Variants in TMEM64 observed in about 807,000 individuals in gnomAD.
The protein encoded by TMEM64 is transmembrane protein 64.
In TMEM64, 19 loss-of-function variants were observed where a neutral mutation model predicts 24.5. The ratio of observed to expected loss-of-function variants is 0.78; its 90% CI spans 0.54 to 1.14. TMEM64 has a LOEUF of 1.14. Among genes scored for constraint, TMEM64 ranks in the 50% most tolerant of loss-of-function variants. TMEM64 has a pLI of 0.00. For missense variants in TMEM64, 487 were observed against 493.0 expected (o/e 0.99, Z 0.12); for synonymous variants, 262 against 224.7 (o/e 1.17, Z -1.49).
intron 2 of TMEM64, among the ~76,000 whole-genome samples, chr8:90,627,465 T>TGGGGGC (rs1809376395): frequency 8.0e-5 from 1 of 12,458 alleles, no homozygotes; most frequent in African/African-American, 3.4e-4. Context: ...GAAAAAAATA[T>TGGGGGC]GGGGGCGGGG....
intron 2 of TMEM64, among the ~76,000 whole-genome samples, chr8:90,627,534 C>T (rs1809377291): frequency 1.3e-5 from 2 of 152,034 alleles, no homozygotes; most frequent in Non-Finnish European, 2.9e-5. Flanking sequence ...ATTCGAGGTG[C>T]CTCTTAGATA....
Position 90,625,494 on chromosome 8 carries a change from C to T in TMEM64, c.*177G>A. ...GCAGCCAAATTTGCATCTACATTTA[C>T]ACTTACATACCCAGAAAATGATTCT... is the stretch of plus-strand genomic sequence containing the variant. On this transcript the variant is annotated 3_prime_UTR_variant, in exon 3 of 3. Coordinates refer to ENST00000458549, the MANE Select transcript of TMEM64 (RefSeq NM_001008495.4). 1 of 534,244 alleles carries T rather than the reference C, an allele frequency of 1.9e-6. No individual in the cohort carries two copies. The highest frequency in any genetic ancestry group is 3.4e-5 in the South Asian group (1 of 29,188). The allele number at this position is 534,244 out of a possible 1,614,324, so 33.1% of individuals were successfully genotyped here.
At chr8:90,630,669 T>C (rs772791101) in intron 2 of TMEM64, among the ~76,000 whole-genome samples, 48 of 151,994 alleles carry the variant, frequency 3.2e-4, no homozygotes, top group Non-Finnish European at 3.5e-4. Context: ...AGATGTATAA[T>C]ACATAACCAG....
rs765323164 is a variant in TMEM64 at position 90,645,491 on chromosome 8, G to A, written c.415C>T (p.Leu139=). 2.6e-6 allele frequency: 4 copies of A among 1,551,140 alleles called. No individual in the cohort carries two copies. In the South Asian group the frequency reaches 4.8e-5, roughly 18 times the overall value. ...LAALCFASLA[L]VRRYLHHLLL... ...AGGTGGTGAAGGTAGCGGCGGACCA[G>A]GGCCAGGGAAGCGAAGCACAGGGCG... The change falls in exon 1 of 3, where the codon CTG becomes TTG. Residue 139 remains leucine (L), a synonymous_variant. Transcript: ENST00000458549. The surrounding 1 kb of genome is among the most constrained non-coding windows in gnomAD (Gnocchi z 4.2).
chr8:90,623,960 A>C lies in TMEM64; in HGVS notation c.*1711T>G, dbSNP rs1277551375. The C allele has an allele frequency of 6.6e-6, 1 of 151,876 alleles. No homozygotes were observed. The highest frequency in any genetic ancestry group is 2.4e-5 in the African/African-American group (1 of 41,378). 9.4% of individuals were successfully genotyped at this position (151,876 alleles called of 1,614,324 possible). On this transcript the variant is annotated 3_prime_UTR_variant, in exon 3 of 3. Coordinates refer to ENST00000458549, the MANE Select transcript of TMEM64 (RefSeq NM_001008495.4). ...GAGAGAAAAAAAACCGAAATGAGTA[A>C]TTAGGATTCAAAAAGAATAAGGGTA...
intron 2 of TMEM64, 96 bp downstream of exon 2, chr8:90,631,456 C>A: frequency 9.2e-7 from 1 of 1,084,634 alleles, no homozygotes; most frequent in East Asian, 2.4e-5. Context: ...AATGGAAAAA[C>A]CCTCTGATTA....
Position 90,645,250 on chromosome 8 carries a change from G to A in TMEM64, c.656C>T (p.Ala219Val), listed in dbSNP as rs767692449. The part of the protein sequence containing the change: ...AHVVCKRLLT[A>V]WVAARIQSSE... ...GCTCTGGATCCTGGCGGCCACCCAGGCGGTGAGGAGCCGCTTGCAGACCAC... is the reference window on the plus strand; with the variant it reads ...GCTCTGGATCCTGGCGGCCACCCAGACGGTGAGGAGCCGCTTGCAGACCAC... The change falls in exon 1 of 3, where the codon GCC becomes GTC. Residue 219 changes from alanine to valine, a missense_variant. Coordinates refer to ENST00000458549, the MANE Select transcript of TMEM64 (RefSeq NM_001008495.4). The surrounding 1 kb of genome is among the most constrained non-coding windows in gnomAD (Gnocchi z 4.2). 1.7e-5 allele frequency: 27 copies of A among 1,613,230 alleles called. 1 individual carries two copies. The South Asian group carries it at 2.9e-4, about 17-fold the overall frequency.
chr8:90,623,304 TCC>T lies in TMEM64; in HGVS notation c.*2365_*2366del, dbSNP rs1423540151. ...GCAATATTTGGACAACATAAAAGTATCCTGTAGATATGTGTTGCTGCCATAAA... is the reference window on the plus strand; with the variant it reads ...GCAATATTTGGACAACATAAAAGTATTGTAGATATGTGTTGCTGCCATAAA... On this transcript the variant is annotated 3_prime_UTR_variant, in exon 3 of 3. Transcript: ENST00000458549. 6.6e-6 allele frequency: 1 copy of T among 152,160 alleles called. No homozygotes were observed. The highest frequency in any genetic ancestry group is 1.5e-5 in the Non-Finnish European group (1 of 68,014). 9.4% of individuals were successfully genotyped at this position (152,160 alleles called of 1,614,324 possible). A position where few individuals can be genotyped will look rare whatever the true frequency, so the allele number is the denominator to read the frequency against.
chr8:90,642,397 A>G (rs1260159355), intron 1 of TMEM64, among the ~76,000 whole-genome samples: 2 of 152,086 alleles, frequency 1.3e-5, no homozygotes, highest in East Asian at 1.9e-4. Flanking sequence ...CACAAAAAAA[A>G]TGAGTTTTAA....
At position 90,625,788 on chromosome 8, in the gene TMEM64, A is replaced by C. The variant is rs1586124634; in HGVS notation, c.1026T>G (p.Ala342=). 6.2e-7 allele frequency: 1 copy of C among 1,613,880 alleles called. No individual in the cohort carries two copies. Among genetic ancestry groups the C allele is most frequent in the African/African-American group, 1.3e-5 (1 of 74,934 alleles). The change falls in exon 3 of 3, where the codon GCT becomes GCG. Residue 342 remains alanine, a synonymous_variant. Transcript: ENST00000458549. ...GAGAAGATTTCAGTTCCATTTCACA[A>C]GCTACAATAGCTGCATTCAATTCCA... ...AQVELNAAIV[A]CEMELKSSLV... is the part of the protein sequence containing the mutation.
At chr8:90,632,533 A>G (rs2130500551) in intron 1 of TMEM64, among the ~76,000 whole-genome samples, 1 of 152,288 alleles carries the variant, frequency 6.6e-6, no homozygotes, top group Non-Finnish European at 1.5e-5. Context: ...CATATTAGCC[A>G]GGATGGTCTC....
chr8:90,639,240 A>G (rs1809566593), intron 1 of TMEM64, among the ~76,000 whole-genome samples: 1 of 152,200 alleles, frequency 6.6e-6, no homozygotes, highest in African/African-American at 2.4e-5. Flanking sequence ...TCTACAACAC[A>G]GAAGCATCTT....
chr8:90,627,533 G>A (rs1208061495), intron 2 of TMEM64, among the ~76,000 whole-genome samples: 1 of 152,134 alleles, frequency 6.6e-6, no homozygotes, highest in Non-Finnish European at 1.5e-5. Flanking sequence ...AATTCGAGGT[G>A]CCTCTTAGAT....
intron 1 of TMEM64, among the ~76,000 whole-genome samples, chr8:90,636,280 G>T (rs1349051774): frequency 6.6e-6 from 1 of 152,066 alleles, no homozygotes; most frequent in African/African-American, 2.4e-5. Context: ...TTTTGAGAGA[G>T]AGTCTCACTC....
chr8:90,644,146 G>A (rs1809650204), intron 1 of TMEM64, among the ~76,000 whole-genome samples: 1 of 152,148 alleles, frequency 6.6e-6, no homozygotes, highest in South Asian at 2.1e-4. Flanking sequence ...CTAGCTGAAG[G>A]GTTAAGTTCC....
chr8:90,632,404 G>A (rs1809453011), intron 1 of TMEM64, among the ~76,000 whole-genome samples: 1 of 152,076 alleles, frequency 6.6e-6, no homozygotes, highest in Non-Finnish European at 1.5e-5. Context: ...CTCACTGCAA[G>A]CTCCGCCTCC....
At chr8:90,634,815 A>G (rs1431208380) in intron 1 of TMEM64, among the ~76,000 whole-genome samples, 5 of 152,208 alleles carry the variant, frequency 3.3e-5, no homozygotes, top group African/African-American at 9.6e-5. Context: ...ACTGGCCACT[A>G]TATTAAACTT....
intron 2 of TMEM64, among the ~76,000 whole-genome samples, chr8:90,627,945 G>A (rs1809382636): frequency 2.0e-5 from 3 of 152,166 alleles, no homozygotes; most frequent in Admixed American, 6.5e-5. Context: ...CTTACTGACA[G>A]CCCTAAGAAG....
chr8:90,637,624 GA>G (rs1185134648), intron 1 of TMEM64, among the ~76,000 whole-genome samples: 4 of 151,802 alleles, frequency 2.6e-5, no homozygotes, highest in Non-Finnish European at 5.9e-5. Context: ...AATCCCTATA[GA>G]AAAAAATCAT....
Sources: gnomAD v4.1 joint callset for allele counts (sites outside exome capture counted in the v4.1 genomes callset) on GRCh38, gnomAD v4.1.1 for gene constraint, Gnocchi (gnomAD v3.1) non-coding constraint, MANE v1.5 for transcripts, NCBI Gene and HGNC (gene_info 2026-07-23, HGNC 2026-07-21) for gene names.